DPP6: variants seen among roughly 807,000 people sequenced by gnomAD.
DPP6 encodes dipeptidyl peptidase like 6.
DPP6 carries 69 observed loss-of-function variants against 122.6 expected under a neutral mutation model. The ratio of observed to expected loss-of-function variants is 0.56; its 90% CI spans 0.46 to 0.69. The LOEUF (loss-of-function observed/expected upper bound fraction) is 0.69, where lower values mean the gene tolerates loss of function less well. Among genes scored for constraint, DPP6 ranks in the 30% least tolerant of loss-of-function variants. The pLI is 0.00. For synonymous variants in DPP6, 418 were observed against 433.1 expected, an observed-to-expected ratio of 0.97 and a Z score of 0.43; for missense variants, 928 against 1,116.9, an observed-to-expected ratio of 0.83 and a Z score of 2.41.
the DPP6 span, among the ~76,000 whole-genome samples, chr7:153,857,387 C>T: frequency 7.8e-6 from 1 of 128,058 alleles, no homozygotes; most frequent in Non-Finnish European, 1.6e-5. Flanking sequence ...ATTGCTGGTG[C>T]TAGTTGCTAT....
At chr7:154,703,618 C>CA (rs56393329) in intron 7 of DPP6, among the ~76,000 whole-genome samples, 1,337 of 117,392 alleles carry the variant, frequency 0.011, 26 homozygotes, top group African/African-American at 0.037. Context: ...CACTCTGTCT[C>CA]AAAAAAAAAA....
chr7:154,148,329 C>T (rs1360535400), intron 1 of DPP6, among the ~76,000 whole-genome samples: 3 of 148,014 alleles, frequency 2.0e-5, no homozygotes, highest in Non-Finnish European at 3.0e-5. Flanking sequence ...TGCTGGCCAA[C>T]GTTCCAGCCA....
chr7:154,683,373 A>G (rs1375259652), intron 7 of DPP6, among the ~76,000 whole-genome samples: 4 of 152,132 alleles, frequency 2.6e-5, no homozygotes, highest in African/African-American at 9.7e-5. Context: ...TGGTACCACC[A>G]TCTCTTCTGT....
the DPP6 span, among the ~76,000 whole-genome samples, chr7:153,808,377 CTGTGTGTGCG>C: frequency 1.3e-5 from 2 of 148,736 alleles, no homozygotes; most frequent in African/African-American, 5.0e-5. Context: ...GTATGTGTGC[CTGTGTGTGCG>C]TGTGTGCCTG....
intron 1 of DPP6, among the ~76,000 whole-genome samples, chr7:154,216,230 A>G (rs920183508): frequency 6.6e-6 from 1 of 151,610 alleles, no homozygotes; most frequent in African/African-American, 2.4e-5. Flanking sequence ...AATCAGGGAC[A>G]GGGCAAGCCT....
intron 7 of DPP6, among the ~76,000 whole-genome samples, chr7:154,707,836 A>G (rs925292704): frequency 3.3e-5 from 5 of 152,212 alleles, no homozygotes; most frequent in Admixed American, 1.3e-4. Context: ...AGCAGCAGAC[A>G]GGAGAGAATG....
chr7:154,808,066 T>G (rs1798810624), intron 16 of DPP6, among the ~76,000 whole-genome samples: 1 of 152,148 alleles, frequency 6.6e-6, no homozygotes, highest in Non-Finnish European at 1.5e-5. Context: ...AATATGGTCG[T>G]AACAAAATAT....
Position 154,109,552 on chromosome 7 carries a change from A to G in DPP6, c.243+56489A>G, listed in dbSNP as rs567118157. Among the ~76,000 whole-genome samples, 48 of 152,294 alleles carry G rather than the reference A, an allele frequency of 3.2e-4. 1 individual carries two copies. Among genetic ancestry groups the G allele is most frequent in the South Asian group, 3.1e-3 (15 of 4,824 alleles). On this transcript the variant is annotated intron_variant, in intron 1 of 25. Transcript: ENST00000377770. ...AGTGATCCACCCGCCTCAGCCTCCC[A>G]AAATGCTGGGATTACAGGCGTGAGC...
intron 12 of DPP6, 39 bp from the exon 13 acceptor site, chr7:154,801,316 T>A: frequency 1.3e-6 from 2 of 1,554,174 alleles, no homozygotes; most frequent in Non-Finnish European, 8.7e-7. Flanking sequence ...GAATAAATGA[T>A]GTTTTAGTTG....
intron 4 of DPP6, among the ~76,000 whole-genome samples, chr7:154,548,525 CAAA>C (rs200806772): frequency 9.2e-5 from 7 of 76,086 alleles, no homozygotes; most frequent in Admixed American, 3.1e-4. Flanking sequence ...GACTCCATCT[CAAA>C]AAAAAAAAAA....
At chr7:154,700,347 A>G (rs1840449451) in intron 7 of DPP6, among the ~76,000 whole-genome samples, 1 of 152,232 alleles carries the variant, frequency 6.6e-6, no homozygotes, top group African/African-American at 2.4e-5. Context: ...GACAACATAA[A>G]ACAGAGTTCA....
At chr7:153,961,888 C>G (rs376955210) in intron 1 of DPP6, among the ~76,000 whole-genome samples, 1 of 142,504 alleles carries the variant, frequency 7.0e-6, no homozygotes, top group African/African-American at 2.7e-5. Context: ...GGCAGTAATG[C>G]GAGCGATGGG....
intron 2 of DPP6, among the ~76,000 whole-genome samples, chr7:154,463,979 G>C (rs1422171653): frequency 6.6e-6 from 1 of 152,190 alleles, no homozygotes; most frequent in African/African-American, 2.4e-5. Flanking sequence ...TCACTAGGTT[G>C]TGTGTCCCCC....
intron 1 of DPP6, among the ~76,000 whole-genome samples, chr7:154,433,759 G>A (rs2151262477): frequency 6.6e-6 from 1 of 152,304 alleles, no homozygotes; most frequent in South Asian, 2.1e-4. Flanking sequence ...TCTGGAGGCA[G>A]TAATTAAGCT....
intron 1 of DPP6, among the ~76,000 whole-genome samples, chr7:154,208,238 C>G (rs185550494): frequency 9.8e-5 from 15 of 152,324 alleles, no homozygotes; most frequent in Admixed American, 8.5e-4. Flanking sequence ...TGGAATGCCT[C>G]ATAGCATTTA....
the DPP6 span, among the ~76,000 whole-genome samples, chr7:153,808,370 T>G: frequency 6.6e-6 from 1 of 151,708 alleles, no homozygotes; most frequent in East Asian, 1.9e-4. Flanking sequence ...CATGCCTGTA[T>G]GTGTGCCTGT....
At chr7:154,419,543 G>C (rs1014866950) in intron 1 of DPP6, among the ~76,000 whole-genome samples, 31 of 152,202 alleles carry the variant, frequency 2.0e-4, no homozygotes, top group African/African-American at 4.8e-5. Flanking sequence ...CGTGCCTGCT[G>C]TTGTGCACTT....
chr7:153,766,439 T>C, the DPP6 span, among the ~76,000 whole-genome samples: 1 of 152,156 alleles, frequency 6.6e-6, no homozygotes, highest in Non-Finnish European at 1.5e-5. Context: ...TACTCAGCTA[T>C]ATCATTAAAA....
At chr7:153,896,901 A>T (rs1222976936) in intron 1 of DPP6, among the ~76,000 whole-genome samples, 1 of 152,224 alleles carries the variant, frequency 6.6e-6, no homozygotes, top group East Asian at 1.9e-4. Context: ...AGAAAATTGC[A>T]TTTATCAGAC....
Sources: allele counts gnomAD v4.1 joint callset (sites outside exome capture counted in the v4.1 genomes callset), GRCh38; gene constraint gnomAD v4.1.1; transcripts MANE v1.5; gene names NCBI Gene and HGNC (gene_info 2026-07-23, HGNC 2026-07-21).